The following ZNF595 variants were observed in gnomAD, a reference collection of about 807,000 sequenced individuals.
The protein encoded by ZNF595 is zinc finger protein 595.
A neutral mutation model predicts 19.4 loss-of-function variants in ZNF595; 9 were observed. The ratio of observed to expected loss-of-function variants is 0.46; its 90% CI spans 0.28 to 0.81. The LOEUF is 0.81. Among genes scored for constraint, ZNF595 ranks in the 30% least tolerant of loss-of-function variants. The pLI, the probability that ZNF595 is intolerant of heterozygous loss-of-function variation, is 0.11. For missense variants in ZNF595, 729 were observed against 736.0 expected, an observed-to-expected ratio of 0.99 and a Z score of 0.11; for synonymous variants, 255 against 255.9, an observed-to-expected ratio of 1.00 and a Z score of 0.03.
Position 85,886 on chromosome 4 carries a change from G to A in ZNF595, c.382G>A (p.Gly128Arg). 3 of 1,614,018 alleles carry A rather than the reference G, an allele frequency of 1.9e-6. No individual in the cohort carries two copies. The highest frequency in any genetic ancestry group is 1.3e-5 in the African/African-American group (1 of 75,032). The change falls in exon 4 of 4, where the codon GGA (glycine) becomes AGA (arginine). Residue 128 changes from glycine (G) to arginine (R), a missense_variant. By Grantham distance (125) the Gly-to-Arg change is moderately radical (BLOSUM62 -2). Around this residue, in one of 2 missense-constraint regions of ZNF595, gnomAD observed 729 missense variants for 675.3 expected, o/e 1.08. Coordinates refer to ENST00000610261, the MANE Select transcript of ZNF595 (RefSeq NM_182524.4). ...KRVNECKVQK[G>R]VNNGVYQCLS... is the part of the protein sequence containing the mutation. ...TGTGAATGAGTGTAAGGTGCAGAAAGGAGTTAATAATGGAGTTTACCAGTG... is the reference window on the plus strand; with the variant it reads ...TGTGAATGAGTGTAAGGTGCAGAAAAGAGTTAATAATGGAGTTTACCAGTG...
Position 86,961 on chromosome 4 carries a change from G to A in ZNF595, c.1457G>A (p.Gly486Asp). The change falls in exon 4 of 4, where the codon GGC becomes GAC. Residue 486 changes from glycine (G) to aspartate (D), a missense_variant. By Grantham distance (94) the Gly-to-Asp change is moderately conservative. Coordinates refer to ENST00000610261, the MANE Select transcript of ZNF595 (RefSeq NM_182524.4). ...GEKPYKCEEC[G>D]KAFIWSASLN... The stretch of plus-strand genomic sequence containing the variant: ...AAACCCTACAAATGTGAAGAATGTG[G>A]CAAAGCTTTCATATGGTCCGCAAGC... 1 of 1,613,794 alleles carries A rather than the reference G, an allele frequency of 6.2e-7. No individual in the cohort carries two copies. The highest frequency in any genetic ancestry group is 1.1e-5 in the South Asian group (1 of 91,038).
intron 3 of ZNF595, among the ~76,000 whole-genome samples, chr4:61,178 G>A (rs1581323014): frequency 1.3e-5 from 2 of 152,282 alleles, no homozygotes; most frequent in South Asian, 2.1e-4. Flanking sequence ...TTTTGAGACG[G>A]AGTCTTGCTC....
At chr4:76,583 T>G (rs1318565688) in intron 3 of ZNF595, among the ~76,000 whole-genome samples, 2 of 152,210 alleles carry the variant, frequency 1.3e-5, no homozygotes, top group African/African-American at 4.8e-5. Context: ...AGAAGTCCGT[T>G]ATTACAACTT....
intron 3 of ZNF595, among the ~76,000 whole-genome samples, chr4:81,368 T>G (rs1249473276): frequency 6.6e-6 from 1 of 152,194 alleles, no homozygotes; most frequent in African/African-American, 2.4e-5. Flanking sequence ...CTTGTTCTGT[T>G]TGTATACAAT....
chr4:83,059 A>T (rs1553800346), intron 3 of ZNF595, among the ~76,000 whole-genome samples: 1 of 150,662 alleles, frequency 6.6e-6, no homozygotes. Context: ...AGACACACAT[A>T]CACACACACA....
chr4:61,093 C>T (rs1367367569), intron 3 of ZNF595, among the ~76,000 whole-genome samples: 6 of 152,228 alleles, frequency 3.9e-5, no homozygotes, highest in African/African-American at 1.4e-4. Flanking sequence ...CGTCCTCACA[C>T]TCAAAGGATT....
intron 3 of ZNF595, among the ~76,000 whole-genome samples, chr4:76,579 C>G (rs1304759120): frequency 6.6e-6 from 1 of 152,000 alleles, no homozygotes; most frequent in Non-Finnish European, 1.5e-5. Context: ...AATTAGAAGT[C>G]CGTTATTACA....
chr4:79,447 G>A (rs13435282), intron 3 of ZNF595, among the ~76,000 whole-genome samples: 38,288 of 151,980 alleles, frequency 0.25, 5,297 homozygotes, highest in South Asian at 0.4. Flanking sequence ...TATCATGTGG[G>A]TAATTAATAT....
chr4:83,404 G>C (rs933283150), intron 3 of ZNF595, among the ~76,000 whole-genome samples: 1 of 151,910 alleles, frequency 6.6e-6, no homozygotes, highest in Non-Finnish European at 1.5e-5. Flanking sequence ...TGGTCACGAG[G>C]TCAGGAGATT....
rs782592988 is a variant in ZNF595, at chr4:87,089, A to T, written c.1585A>T (p.Ile529Phe). The T allele has an allele frequency of 1.2e-6, 2 of 1,614,034 alleles. No homozygotes were observed. The highest frequency in any genetic ancestry group is 1.7e-6 in the Non-Finnish European group (2 of 1,179,946). ...QSSGLIIHRS[I>F]HSEQKLYKCE... is the part of the protein sequence containing the mutation. ...CTCAGGCCTTATTATACACAGGAGC[A>T]TTCATTCTGAACAAAAACTTTACAA... is the stretch of plus-strand genomic sequence containing the variant. Residue 529 changes from isoleucine to phenylalanine, a missense_variant, in exon 4 of 4, where the codon ATT becomes TTT. This residue lies in a region of ZNF595 where 729 missense variants were observed against 675.3 expected (regional missense o/e 1.08). Coordinates refer to ENST00000610261, the MANE Select transcript of ZNF595 (RefSeq NM_182524.4).
At chr4:75,104 A>T (rs544093378) in intron 3 of ZNF595, among the ~76,000 whole-genome samples, 25 of 152,110 alleles carry the variant, frequency 1.6e-4, no homozygotes, top group Admixed American at 3.9e-4. Context: ...ATTGACATGG[A>T]ATATTCTTTT....
In ZNF595 at chr4:66,336, T is replaced by G. The variant is rs1489194474; in HGVS notation, c.226+6183T>G. Among the ~76,000 whole-genome samples the G allele has an allele frequency of 1.3e-4, 18 of 140,518 alleles. No individual in the cohort carries two copies. In the South Asian group the frequency reaches 1.9e-3, roughly 15 times the overall value. 92.2% of individuals were successfully genotyped at this position (140,518 alleles called of 152,430 possible). On this transcript the variant is annotated intron_variant, in intron 3 of 3. Transcript: ENST00000610261. Reference sequence around the variant, plus strand: ...TCTATTAGTCATGTAACTTTTTGTTTTTTTTTTTGGAGTTGTTCTGGATGT... The same window carrying G: ...TCTATTAGTCATGTAACTTTTTGTTGTTTTTTTTGGAGTTGTTCTGGATGT...
chr4:77,213 G>A (rs1243186146), intron 3 of ZNF595, among the ~76,000 whole-genome samples: 1 of 149,640 alleles, frequency 6.7e-6, no homozygotes, highest in Non-Finnish European at 1.5e-5. Flanking sequence ...ACTGTCTCCT[G>A]TTAAAGCTTT....
chr4:75,290 C>A lies in ZNF595; in HGVS notation c.227-10441C>A, dbSNP rs546950860. Among the ~76,000 whole-genome samples the A allele has an allele frequency of 9.8e-5, 15 of 152,302 alleles. No individual in the cohort carries two copies. In the South Asian group the frequency reaches 3.1e-3, roughly 32 times the overall value. On this transcript the variant is annotated intron_variant, in intron 3 of 3. Transcript: ENST00000610261. ...ATAAAAGTTTGCTTAGCGCACAATC[C>A]TGGATGCCAGGAAGTCCAAGAGCAT...
At chr4:78,881 C>G (rs548786535) in intron 3 of ZNF595, among the ~76,000 whole-genome samples, 1 of 152,188 alleles carries the variant, frequency 6.6e-6, no homozygotes, top group South Asian at 2.1e-4. Context: ...TCAGTAGAGA[C>G]ATGGTTTCTC....
chr4:85,658 C>T lies in ZNF595; in HGVS notation c.227-73C>T, dbSNP rs1010482535. 181 of 1,452,308 alleles carry T rather than the reference C, an allele frequency of 1.2e-4. 1 individual carries two copies. Among genetic ancestry groups the T allele is most frequent in the Non-Finnish European group, 1.6e-4 (172 of 1,085,366 alleles). 90.0% of individuals were successfully genotyped at this position (1,452,308 alleles called of 1,614,324 possible). On this transcript the variant is annotated intron_variant, in intron 3 of 3. Coordinates refer to ENST00000610261, the MANE Select transcript of ZNF595 (RefSeq NM_182524.4). ...TACTAATGCAGTTTGTATACATTTTCGATATTACATTCGTAAAGTATATTC... is the reference window on the plus strand; with the variant it reads ...TACTAATGCAGTTTGTATACATTTTTGATATTACATTCGTAAAGTATATTC...
intron 3 of ZNF595, among the ~76,000 whole-genome samples, chr4:68,895 G>A (rs9999283): frequency 0.013 from 1,964 of 152,138 alleles, 47 homozygotes; most frequent in African/African-American, 0.045. Context: ...CACTTCCCCT[G>A]AACCCCTCAC....
intron 3 of ZNF595, 144 bp from the exon 4 acceptor site, chr4:85,587 A>C (rs575124212): frequency 9.9e-7 from 1 of 1,012,232 alleles, no homozygotes; most frequent in Non-Finnish European, 1.4e-6. Flanking sequence ...TCTTTGTTAC[A>C]TGTCTGTGAA....
chr4:87,072 T>G lies in ZNF595; in HGVS notation c.1568T>G (p.Leu523Arg). Reference protein sequence around the residue: ...CGKAFNQSSGLIIHRSIHSEQ... With the variant: ...CGKAFNQSSGRIIHRSIHSEQ... ...AAAGCTTTTAACCAATCCTCAGGCC[T>G]TATTATACACAGGAGCATTCATTCT... The change falls in exon 4 of 4, where the codon CTT becomes CGT. Residue 523 changes from leucine to arginine, a missense_variant. By Grantham distance (102) the Leu-to-Arg change is moderately radical. Transcript: ENST00000610261. 6.2e-7 allele frequency: 1 copy of G among 1,613,850 alleles called. No homozygotes were observed. Among genetic ancestry groups the G allele is most frequent in the Non-Finnish European group, 8.5e-7 (1 of 1,179,946 alleles).
Sources: allele counts gnomAD v4.1 joint callset (sites outside exome capture counted in the v4.1 genomes callset), GRCh38; gene constraint gnomAD v4.1.1; regional missense constraint gnomAD v4.1.1; transcripts MANE v1.5; gene names NCBI Gene and HGNC (gene_info 2026-07-23, HGNC 2026-07-21).